Variants in UBXN7 observed in about 807,000 individuals in gnomAD.
UBXN7 encodes UBX domain protein 7, also known as UBX domain-containing protein 7.
A neutral mutation model predicts 58.0 loss-of-function variants in UBXN7; 9 were observed. The ratio of observed to expected loss-of-function variants is 0.16; its 90% CI spans 0.09 to 0.27. The LOEUF (loss-of-function observed/expected upper bound fraction) is 0.27. UBXN7 is among the 10% of genes least tolerant of loss of function. The probability of loss-of-function intolerance (pLI) is 1.00; values close to 1 mark genes in which losing one functional copy is unlikely to be tolerated. For synonymous variants in UBXN7, 208 were observed against 205.0 expected, an observed-to-expected ratio of 1.01 and a Z score of -0.12; for missense variants, 328 against 599.6, an observed-to-expected ratio of 0.55 and a Z score of 4.73.
rs575050237 is a variant in UBXN7, at chr3:196,393,649, T to G, written c.290-30A>C. The G allele has an allele frequency of 2.5e-6, 4 of 1,584,702 alleles. No homozygotes were observed. In the South Asian group the frequency reaches 4.6e-5, roughly 18 times the overall value. Reference sequence around the variant, plus strand: ...GGGGAGAAAAAATAGAATTGAAAATTTTTTAAATTAATTTTGAAACAATTC... The same window carrying G: ...GGGGAGAAAAAATAGAATTGAAAATGTTTTAAATTAATTTTGAAACAATTC... On this transcript the variant is annotated intron_variant, in intron 3 of 10. Transcript: ENST00000296328.
intron 1 of UBXN7, among the ~76,000 whole-genome samples, chr3:196,427,663 C>T (rs750858084): frequency 6.6e-6 from 1 of 152,160 alleles, no homozygotes; most frequent in African/African-American, 2.4e-5. Context: ...GATCCAGCTG[C>T]ATATTTTTCC....
chr3:196,406,868 T>C lies in UBXN7; in HGVS notation c.221+378A>G, dbSNP rs1033900416. Among the ~76,000 whole-genome samples the C allele has an allele frequency of 5.9e-5, 9 of 152,330 alleles. 1 individual carries two copies. Among genetic ancestry groups the C allele is most frequent in the Admixed American group, 5.2e-4 (8 of 15,306 alleles). On this transcript the variant is annotated intron_variant, in intron 2 of 10. Coordinates refer to ENST00000296328, the MANE Select transcript of UBXN7 (RefSeq NM_015562.2). ...TTAATTGCTGTGTAGCTTGGGGAAA[T>C]GGCTATGCCTCTGCTTCCTTATTGG...
rs576689763 is a variant in UBXN7, at chr3:196,377,473, C to T, written c.469-5431G>A. 3.9e-5 allele frequency among the ~76,000 whole-genome samples: 6 copies of T among 152,292 alleles called. No homozygotes were observed. The South Asian group carries it at 1.2e-3, about 32-fold the overall frequency. On this transcript the variant is annotated intron_variant, in intron 5 of 10. Coordinates refer to ENST00000296328, the MANE Select transcript of UBXN7 (RefSeq NM_015562.2). ...AGTCCTTTCTCTTCACAATTATAAA[C>T]ATATGTGGAACCTACGAAATCAATC...
chr3:196,393,453 G>A (rs1729645764), intron 4 of UBXN7, 101 bp downstream of exon 4: 2 of 1,100,984 alleles, frequency 1.8e-6, no homozygotes, highest in Admixed American at 2.4e-5. Context: ...ACTTTTTAAA[G>A]AAGGTGAAAA....
intron 10 of UBXN7, among the ~76,000 whole-genome samples, chr3:196,357,265 G>A (rs1560216529): frequency 1.3e-5 from 2 of 152,190 alleles, no homozygotes; most frequent in East Asian, 3.9e-4. Flanking sequence ...CTCAGAAACT[G>A]GACCATTCCC....
chr3:196,420,408 G>A (rs1730643863), intron 1 of UBXN7, among the ~76,000 whole-genome samples: 1 of 151,802 alleles, frequency 6.6e-6, no homozygotes, highest in South Asian at 2.1e-4. Context: ...ATGCGTGCCT[G>A]TAACCCCAGC....
rs1335891909 is a variant in UBXN7, at chr3:196,401,296, T to TAC, written c.289+1655_289+1656insGT. Reference sequence around the variant, plus strand: ...AAAAATATATATATATATATATATATATACACACACACACACACACACACA... The same window carrying TAC: ...AAAAATATATATATATATATATATATACATACACACACACACACACACACACA... On this transcript the variant is annotated intron_variant, in intron 3 of 10. Coordinates refer to ENST00000296328, the MANE Select transcript of UBXN7 (RefSeq NM_015562.2). Among the ~76,000 whole-genome samples the TAC allele has an allele frequency of 3.4e-3, 264 of 77,346 alleles. 1 individual carries two copies. The highest frequency in any genetic ancestry group is 0.01 in the African/African-American group (164 of 15,966). The allele number at this position is 77,346 out of a possible 152,430, so 50.7% of individuals were successfully genotyped here.
At chr3:196,375,155 G>C (rs1320980828) in intron 5 of UBXN7, among the ~76,000 whole-genome samples, 1 of 149,646 alleles carries the variant, frequency 6.7e-6, no homozygotes, top group Non-Finnish European at 1.5e-5. Flanking sequence ...TTGAAAATGT[G>C]CTGAGAGCAG....
At chr3:196,429,533 G>A (rs920696380) in intron 1 of UBXN7, among the ~76,000 whole-genome samples, 1 of 151,000 alleles carries the variant, frequency 6.6e-6, no homozygotes, top group African/African-American at 2.4e-5. Flanking sequence ...TCACATTTTT[G>A]ATGATGCATT....
Position 196,355,777 on chromosome 3 carries a change from T to C in UBXN7, c.*908A>G, listed in dbSNP as rs549863037. 1 of 152,346 alleles carries C rather than the reference T, an allele frequency of 6.6e-6. No homozygotes were observed. Among genetic ancestry groups the C allele is most frequent in the South Asian group, 2.1e-4 (1 of 4,828 alleles). 9.4% of individuals were successfully genotyped at this position (152,346 alleles called of 1,614,324 possible). ...TAGTGGTTACAATTCCAAGCCATTG[T>C]ACTACATGATTATTGACCAGCTGCC... On this transcript the variant is annotated 3_prime_UTR_variant, in exon 11 of 11. Coordinates refer to ENST00000296328, the MANE Select transcript of UBXN7 (RefSeq NM_015562.2).
At chr3:196,392,653 C>T (rs1025676546) in intron 4 of UBXN7, among the ~76,000 whole-genome samples, 1 of 150,600 alleles carries the variant, frequency 6.6e-6, no homozygotes, top group African/African-American at 2.4e-5. Context: ...AAATACAAAA[C>T]TTAGCCGGGT....
intron 5 of UBXN7, among the ~76,000 whole-genome samples, chr3:196,374,414 A>G (rs957142432): frequency 6.6e-6 from 1 of 152,178 alleles, no homozygotes; most frequent in Non-Finnish European, 1.5e-5. Context: ...CTAAAATATA[A>G]AAATCTTTGC....
chr3:196,405,218 T>A (rs1730124431), intron 2 of UBXN7, among the ~76,000 whole-genome samples: 1 of 151,996 alleles, frequency 6.6e-6, no homozygotes, highest in Non-Finnish European at 1.5e-5. Context: ...ACGCCTGTAA[T>A]CCCAGCACTT....
intron 5 of UBXN7, among the ~76,000 whole-genome samples, chr3:196,384,364 C>G (rs1471986839): frequency 6.6e-6 from 1 of 152,102 alleles, no homozygotes; most frequent in African/African-American, 2.4e-5. Flanking sequence ...CAAATTCTAC[C>G]AGAGGTACAA....
At chr3:196,369,774 C>T (rs994663151) in intron 6 of UBXN7, among the ~76,000 whole-genome samples, 1 of 152,138 alleles carries the variant, frequency 6.6e-6, no homozygotes, top group East Asian at 1.9e-4. Context: ...TCTTCCTGCT[C>T]AAGTTATCTG....
chr3:196,349,973 CTA>C lies in UBXN7; in HGVS notation c.*6710_*6711del, dbSNP rs1445287465. The C allele has an allele frequency of 6.6e-6, 1 of 152,122 alleles. No homozygotes were observed. Among genetic ancestry groups the C allele is most frequent in the African/African-American group, 2.4e-5 (1 of 41,410 alleles). The allele number at this position is 152,122 out of a possible 1,614,324, so 9.4% of individuals were successfully genotyped here. On this transcript the variant is annotated 3_prime_UTR_variant, in exon 11 of 11. Transcript: ENST00000296328. ...TAAAATACCCAGAGTATTGTGATCTCTAGAGAGGAAATACAATTAAACAATAA... is the reference window on the plus strand; with the variant it reads ...TAAAATACCCAGAGTATTGTGATCTCGAGAGGAAATACAATTAAACAATAA...
rs117010185 is a variant in UBXN7 at position 196,393,394 on chromosome 3, A to G, written c.355+160T>C. On this transcript the variant is annotated intron_variant, in intron 4 of 10. Coordinates refer to ENST00000296328, the MANE Select transcript of UBXN7 (RefSeq NM_015562.2). The stretch of plus-strand genomic sequence containing the variant: ...TATAACCAAATAGGTTAGAATTTGG[A>G]ACAATTTAGCTCAGGGGAGAATTAA... Among the ~76,000 whole-genome samples the G allele has an allele frequency of 3.6e-3, 554 of 152,306 alleles. 20 individuals are homozygous for G. The South Asian group carries it at 0.075, about 20-fold the overall frequency.
intron 8 of UBXN7, among the ~76,000 whole-genome samples, chr3:196,367,608 A>G (rs910669410): frequency 3.3e-5 from 5 of 152,174 alleles, no homozygotes; most frequent in Admixed American, 3.3e-4. Flanking sequence ...ACTCCAAAAC[A>G]AAAAACAAAA....
intron 8 of UBXN7, among the ~76,000 whole-genome samples, chr3:196,364,833 A>G (rs1057076001): frequency 1.3e-5 from 2 of 151,954 alleles, no homozygotes; most frequent in Non-Finnish European, 2.9e-5. Flanking sequence ...AGTAGCTGGG[A>G]TTACAGGCAC....
Sources: gnomAD v4.1 joint callset for allele counts (sites outside exome capture counted in the v4.1 genomes callset) on GRCh38, gnomAD v4.1.1 for gene constraint, MANE v1.5 for transcripts, NCBI Gene and HGNC (gene_info 2026-07-23, HGNC 2026-07-21) for gene names.